The following MYRF variants were observed in gnomAD, a reference collection of about 807,000 sequenced individuals.
MYRF encodes the protein myelin regulatory factor.
A neutral mutation model predicts 126.3 loss-of-function variants in MYRF; 16 were observed. The ratio of observed to expected loss-of-function variants is 0.13; its 90% CI spans 0.09 to 0.19. MYRF has a LOEUF of 0.19. Among genes scored for constraint, MYRF ranks in the 10% least tolerant of loss-of-function variants. The pLI, the probability that MYRF is intolerant of heterozygous loss-of-function variation, is 1.00. For synonymous variants in MYRF, 608 were observed against 635.3 expected, an observed-to-expected ratio of 0.96 and a Z score of 0.65; for missense variants, 1,104 against 1,547.0, an observed-to-expected ratio of 0.71 and a Z score of 4.80.
chr11:61,760,280 A>T (rs536107351), intron 1 of MYRF, among the ~76,000 whole-genome samples: 3 of 152,212 alleles, frequency 2.0e-5, no homozygotes, highest in African/African-American at 7.2e-5. Context: ...GATCATATTA[A>T]TAAAGAGAGA....
intron 1 of MYRF, among the ~76,000 whole-genome samples, chr11:61,761,207 C>T (rs932338808): frequency 3.3e-5 from 5 of 152,022 alleles, no homozygotes; most frequent in Non-Finnish European, 2.9e-5. Flanking sequence ...TGTCCCCACC[C>T]TCCCCCGTTC....
chr11:61,778,903 C>T lies in MYRF; in HGVS notation c.2014-360C>T. 1.8e-6 allele frequency: 1 copy of T among 566,996 alleles called. No homozygotes were observed. Among genetic ancestry groups the T allele is most frequent in the Admixed American group, 2.2e-5 (1 of 45,700 alleles). 35.1% of individuals were successfully genotyped at this position (566,996 alleles called of 1,614,324 possible). Reference sequence around the variant, plus strand: ...GGCATGTAATAGGTCTCCACCCCAGCTGAATAGTGAAGTGCTGACATCTGA... The same window carrying T: ...GGCATGTAATAGGTCTCCACCCCAGTTGAATAGTGAAGTGCTGACATCTGA... On this transcript the variant is annotated intron_variant, in intron 14 of 26. Coordinates refer to ENST00000278836, the MANE Select transcript of MYRF (RefSeq NM_001127392.3). The surrounding 1 kb of genome is among the most constrained non-coding windows in gnomAD (Gnocchi z 4.6).
chr11:61,755,484 C>A, intron 1 of MYRF: 1 of 1,604,304 alleles, frequency 6.2e-7, no homozygotes, highest in Non-Finnish European at 8.5e-7. Context: ...ACTCCAGAGC[C>A]AGGGCAGGCA....
At position 61,757,029 on chromosome 11, in the gene MYRF, A is replaced by G; in HGVS notation, c.46+4239A>G. The G allele has an allele frequency of 2.6e-6, 1 of 385,794 alleles. No individual in the cohort carries two copies. Among genetic ancestry groups the G allele is most frequent in the South Asian group, 1.9e-5 (1 of 54,012 alleles). 23.9% of individuals were successfully genotyped at this position (385,794 alleles called of 1,614,324 possible). ...TGATAAGGAACTGGGAGCAGAAATT[A>G]TTAACTGAATCATTAACTGGGTGGC... is the stretch of plus-strand genomic sequence containing the variant. On this transcript the variant is annotated intron_variant, in intron 1 of 26. Transcript: ENST00000278836. The surrounding 1 kb of genome is among the most constrained non-coding windows in gnomAD (Gnocchi z 4.7).
chr11:61,766,462 G>A (rs1003661443), intron 3 of MYRF: 1 of 489,498 alleles, frequency 2.0e-6, no homozygotes, highest in Non-Finnish European at 3.6e-6. Context: ...GAGGGCTGAC[G>A]TAAGTGCTAG....
chr11:61,754,650 G>T (rs558110084), intron 1 of MYRF, among the ~76,000 whole-genome samples: 2 of 152,356 alleles, frequency 1.3e-5, no homozygotes, highest in East Asian at 1.9e-4. Flanking sequence ...CATGGGTTGG[G>T]GGGTGGGGGC....
At chr11:61,766,355 G>T in intron 3 of MYRF, 134 bp downstream of exon 3, 2 of 974,976 alleles carry the variant, frequency 2.1e-6, no homozygotes, top group Non-Finnish European at 2.9e-6. Context: ...TGCGTGGGCA[G>T]GTGAGGGAAG....
At chr11:61,762,546 T>C (rs1190538124) in intron 1 of MYRF, among the ~76,000 whole-genome samples, 1 of 152,010 alleles carries the variant, frequency 6.6e-6, no homozygotes, top group Non-Finnish European at 1.5e-5. Flanking sequence ...TTGGGAGCAG[T>C]GGGGAGGGGC....
intron 3 of MYRF, among the ~76,000 whole-genome samples, chr11:61,767,787 G>A (rs537428975): frequency 7.6e-6 from 1 of 132,260 alleles, no homozygotes; most frequent in African/African-American, 2.9e-5. Flanking sequence ...TCATGCCACT[G>A]CTAGGGACAG....
intron 7 of MYRF, 51 bp from the exon 8 acceptor site, chr11:61,773,916 T>C: frequency 6.6e-7 from 1 of 1,516,828 alleles, no homozygotes; most frequent in Non-Finnish European, 8.9e-7. Context: ...GAACCGATGT[T>C]CCAGGCCCGG....
Position 61,757,287 on chromosome 11 carries a change from C to T in MYRF, c.46+4497C>T, listed in dbSNP as rs1003286533. 2.2e-6 allele frequency: 1 copy of T among 456,530 alleles called. No individual in the cohort carries two copies. Among genetic ancestry groups the T allele is most frequent in the African/African-American group, 2.0e-5 (1 of 50,062 alleles). The allele number at this position is 456,530 out of a possible 1,614,324, so 28.3% of individuals were successfully genotyped here. A position where few individuals can be genotyped will look rare whatever the true frequency, so the allele number is the denominator to read the frequency against. On this transcript the variant is annotated intron_variant, in intron 1 of 26. Coordinates refer to ENST00000278836, the MANE Select transcript of MYRF (RefSeq NM_001127392.3). This position sits in a 1 kb window ranked among gnomAD's most constrained non-coding sequence, Gnocchi z 4.7. ...ATTCGCCAGCGAGGGCAGCTGGGGT[C>T]TGTTCCTAGCTCTCCTGCTTACCCA...
At chr11:61,773,120 C>T (rs1466827775) in intron 7 of MYRF, among the ~76,000 whole-genome samples, 2 of 152,032 alleles carry the variant, frequency 1.3e-5, no homozygotes, top group Non-Finnish European at 2.9e-5. Context: ...ATTCTCCTGC[C>T]TCAGCCTCCC....
intron 1 of MYRF, among the ~76,000 whole-genome samples, chr11:61,753,293 C>T (rs1180589394): frequency 6.6e-6 from 1 of 151,742 alleles, no homozygotes. Context: ...CCCTGTGTGC[C>T]CTTCTGGTTG....
At position 61,783,743 on chromosome 11, in the gene MYRF, CTG is replaced by C. The variant is rs1241057740; in HGVS notation, c.3120-106_3120-105del. On this transcript the variant is annotated intron_variant, in intron 23 of 26. Transcript: ENST00000278836. The surrounding 1 kb of genome is among the most constrained non-coding windows in gnomAD (Gnocchi z 4.6). The stretch of plus-strand genomic sequence containing the variant: ...CCCCTTTCCAGGCTACCCTTGGACA[CTG>C]TCTCTTCTGGAGGGCTCCAGTACAG... The C allele has an allele frequency of 2.9e-6, 4 of 1,370,842 alleles. No individual in the cohort carries two copies. Among genetic ancestry groups the C allele is most frequent in the African/African-American group, 2.9e-5 (2 of 69,816 alleles). The allele number at this position is 1,370,842 out of a possible 1,614,324, so 84.9% of individuals were successfully genotyped here.
chr11:61,774,960 C>A (rs2066334627), intron 8 of MYRF, among the ~76,000 whole-genome samples: 1 of 152,176 alleles, frequency 6.6e-6, no homozygotes, highest in Non-Finnish European at 1.5e-5. Flanking sequence ...CCTGGGCTCC[C>A]CTCTCAGGGA....
chr11:61,780,797 G>T lies in MYRF; in HGVS notation c.2486+5G>T, dbSNP rs752119624. The T allele has an allele frequency of 1.3e-6, 2 of 1,545,240 alleles. No individual in the cohort carries two copies. The highest frequency in any genetic ancestry group is 1.2e-5 in the South Asian group (1 of 84,266). On this transcript the variant is annotated splice_donor_5th_base_variant and intron_variant, in intron 19 of 26. Coordinates refer to ENST00000278836, the MANE Select transcript of MYRF (RefSeq NM_001127392.3). ...GAGTGAGGCCTTGTGCCCATGGTAC[G>T]TGCTGACCAGCGCCCCTCTCCTCTG...
In MYRF at chr11:61,787,888, A is replaced by G. The variant is rs1423025695; in HGVS notation, c.*1745A>G. 6.6e-6 allele frequency: 1 copy of G among 152,660 alleles called. No individual in the cohort carries two copies. The highest frequency in any genetic ancestry group is 2.4e-5 in the African/African-American group (1 of 41,416). The allele number at this position is 152,660 out of a possible 1,614,324, so 9.5% of individuals were successfully genotyped here. ...CTGCGGGCCCTCAGTCCTTAACTGG[A>G]AAGTGACCGTCCACTGCCCCATGGA... On this transcript the variant is annotated 3_prime_UTR_variant, in exon 27 of 27. Coordinates refer to ENST00000278836, the MANE Select transcript of MYRF (RefSeq NM_001127392.3).
At chr11:61,759,361 C>T (rs2065844768) in intron 1 of MYRF, among the ~76,000 whole-genome samples, 1 of 152,198 alleles carries the variant, frequency 6.6e-6, no homozygotes, top group African/African-American at 2.4e-5. Flanking sequence ...GCTAAAGATT[C>T]TGGGTCTCCT....
chr11:61,784,694 G>A (rs762057554), intron 25 of MYRF: 64 of 295,720 alleles, frequency 2.2e-4, no homozygotes, highest in Non-Finnish European at 3.3e-4. Context: ...AGCCCATGGC[G>A]GGGAGGGCTG....
Sources: gnomAD v4.1 joint callset for allele counts (sites outside exome capture counted in the v4.1 genomes callset) on GRCh38, gnomAD v4.1.1 for gene constraint, Gnocchi (gnomAD v3.1) non-coding constraint, MANE v1.5 for transcripts, NCBI Gene and HGNC (gene_info 2026-07-23, HGNC 2026-07-21) for gene names.